The following ABTB3 variants were observed in gnomAD, a reference collection of about 807,000 sequenced individuals.
The protein encoded by ABTB3 is ankyrin repeat- and BTB/POZ domain-containing protein 3.
At chr12:107,562,557 C>T in the ABTB3 span, among the ~76,000 whole-genome samples, 1 of 152,182 alleles carries the variant, frequency 6.6e-6, no homozygotes, top group Non-Finnish European at 1.5e-5. Context: ...GAGATGAGTC[C>T]AAGGTGGGCA....
the ABTB3 span, among the ~76,000 whole-genome samples, chr12:107,419,419 C>G: frequency 6.6e-6 from 1 of 152,196 alleles, no homozygotes; most frequent in Non-Finnish European, 1.5e-5. Context: ...CCTCCCAGGA[C>G]CAGTCAATTG....
the ABTB3 span, among the ~76,000 whole-genome samples, chr12:107,347,951 G>A: frequency 4.2e-4 from 64 of 152,236 alleles, no homozygotes; most frequent in Admixed American, 9.8e-4. Flanking sequence ...CCCAGAGATG[G>A]AGGAACAGGC....
At chr12:107,380,447 C>A in the ABTB3 span, among the ~76,000 whole-genome samples, 65,379 of 152,018 alleles carry the variant, frequency 0.43, 14,403 homozygotes, top group East Asian at 0.71. Context: ...TGAGTTGGCC[C>A]CTTCTTGGTC....
the ABTB3 span, among the ~76,000 whole-genome samples, chr12:107,408,799 G>T: frequency 2.0e-5 from 3 of 152,182 alleles, no homozygotes; most frequent in African/African-American, 4.8e-5. Flanking sequence ...CTCTGGCCTC[G>T]GTGACTTTTT....
chr12:107,447,410 A>G, the ABTB3 span, among the ~76,000 whole-genome samples: 7 of 152,226 alleles, frequency 4.6e-5, no homozygotes, highest in East Asian at 7.7e-4. Context: ...CCAAAATGCT[A>G]GGATTACAGG....
chr12:107,608,968 T>TAAAATAAAATAAAATAA, the ABTB3 span, among the ~76,000 whole-genome samples: 6 of 101,858 alleles, frequency 5.9e-5, no homozygotes, highest in African/African-American at 2.3e-4. Context: ...TAAAATAAAA[T>TAAAATAAAATAAAATAA]ATAAAATAAA....
At chr12:107,351,856 G>A in the ABTB3 span, among the ~76,000 whole-genome samples, 1 of 152,260 alleles carries the variant, frequency 6.6e-6, no homozygotes, top group African/African-American at 2.4e-5. Context: ...TGTGTGACCT[G>A]AGGCAAATCA....
chr12:107,496,468 GTTAGAA>G, the ABTB3 span, among the ~76,000 whole-genome samples: 3 of 152,258 alleles, frequency 2.0e-5, no homozygotes, highest in South Asian at 6.2e-4. Flanking sequence ...GTCAGTTTTG[GTTAGAA>G]TCAGGGATTT....
At chr12:107,436,891 G>T in the ABTB3 span, among the ~76,000 whole-genome samples, 1 of 152,112 alleles carries the variant, frequency 6.6e-6, no homozygotes, top group Non-Finnish European at 1.5e-5. Context: ...ATTTTGTGGG[G>T]GTCCTGGTCT....
the ABTB3 span, among the ~76,000 whole-genome samples, chr12:107,371,191 C>T: frequency 6.6e-6 from 1 of 152,154 alleles, no homozygotes. Flanking sequence ...GCAGGGAGAT[C>T]ATTCTGGAAC....
chr12:107,509,499 C>T, the ABTB3 span, among the ~76,000 whole-genome samples: 1 of 152,352 alleles, frequency 6.6e-6, no homozygotes, highest in Non-Finnish European at 1.5e-5. Flanking sequence ...TTCCTGCCCT[C>T]ACAGGCTTCA....
At chr12:107,594,336 C>T in the ABTB3 span, among the ~76,000 whole-genome samples, 1 of 152,144 alleles carries the variant, frequency 6.6e-6, no homozygotes, top group African/African-American at 2.4e-5. Flanking sequence ...TGGTATCTCT[C>T]CCAAATCAGG....
chr12:107,464,536 C>A, the ABTB3 span, among the ~76,000 whole-genome samples: 2 of 152,078 alleles, frequency 1.3e-5, no homozygotes, highest in African/African-American at 4.8e-5. Context: ...GTCTCAAACT[C>A]CTGACCTCAA....
chr12:107,418,486 T>A, the ABTB3 span, among the ~76,000 whole-genome samples: 1 of 152,232 alleles, frequency 6.6e-6, no homozygotes. Context: ...AAGCTAGACC[T>A]GCATCCTGTC....
At chr12:107,483,436 TG>T in the ABTB3 span, among the ~76,000 whole-genome samples, 1 of 152,170 alleles carries the variant, frequency 6.6e-6, no homozygotes, top group African/African-American at 2.4e-5. Context: ...TGCTCTTCCC[TG>T]GGGACTGATG....
At chr12:107,599,379 G>C in the ABTB3 span, among the ~76,000 whole-genome samples, 169 of 152,296 alleles carry the variant, frequency 1.1e-3, 2 homozygotes, top group Non-Finnish European at 1.2e-4. Context: ...ATAGTTTGCT[G>C]AAGGTAACAC....
the ABTB3 span, among the ~76,000 whole-genome samples, chr12:107,626,343 C>CTTTTTTTTTTTTTTTTT: frequency 8.9e-6 from 1 of 112,512 alleles, no homozygotes; most frequent in African/African-American, 3.6e-5. Flanking sequence ...CTATCGTCAT[C>CTTTTTTTTTTTTTTTTT]TTTTTTTTTT....
chr12:107,391,847 G>A, the ABTB3 span, among the ~76,000 whole-genome samples: 19 of 152,260 alleles, frequency 1.2e-4, no homozygotes, highest in Admixed American at 2.6e-4. Flanking sequence ...ATGTGTATGC[G>A]TGTGTATGTG....
At chr12:107,413,009 TCACGCCTGTAATCC>T in the ABTB3 span, among the ~76,000 whole-genome samples, 17 of 152,208 alleles carry the variant, frequency 1.1e-4, no homozygotes, top group African/African-American at 3.9e-4. Flanking sequence ...GCGCGGTGGC[TCACGCCTGTAATCC>T]CAGCACTTTG....
Sources: allele counts gnomAD v4.1 joint callset (sites outside exome capture counted in the v4.1 genomes callset), GRCh38; gene constraint gnomAD v4.1.1; transcripts MANE v1.5; gene names NCBI Gene and HGNC (gene_info 2026-07-23, HGNC 2026-07-21).